Variants in TMEM178B observed in about 807,000 individuals in gnomAD.
TMEM178B encodes transmembrane protein 178B.
In TMEM178B, 5 loss-of-function variants were observed where a neutral mutation model predicts 31.0. The observed-to-expected ratio is 0.16, with a 90% confidence interval of 0.08 to 0.34. The LOEUF (loss-of-function observed/expected upper bound fraction) is 0.34, where lower values mean the gene tolerates loss of function less well. Ranked by LOEUF, TMEM178B falls within the 10% of genes least tolerant of loss-of-function variation. The pLI, the probability that TMEM178B is intolerant of heterozygous loss-of-function variation, is 1.00. For synonymous variants in TMEM178B, 164 were observed against 164.0 expected, an observed-to-expected ratio of 1.00 and a Z score of 0.00; for missense variants, 275 against 400.3, an observed-to-expected ratio of 0.69 and a Z score of 2.67.
At chr7:141,225,206 C>T (rs571407765) in intron 2 of TMEM178B, among the ~76,000 whole-genome samples, 4 of 152,248 alleles carry the variant, frequency 2.6e-5, no homozygotes, top group African/African-American at 9.6e-5. Context: ...CGCCAGGGAG[C>T]CCCACACATA....
intron 3 of TMEM178B, among the ~76,000 whole-genome samples, chr7:141,457,190 T>C (rs1348884395): frequency 6.6e-6 from 1 of 152,178 alleles, no homozygotes; most frequent in Non-Finnish European, 1.5e-5. Flanking sequence ...GCAAGTGGAA[T>C]GGATGGTTCT....
chr7:141,256,116 A>G (rs1332766083), intron 2 of TMEM178B, among the ~76,000 whole-genome samples: 1 of 152,048 alleles, frequency 6.6e-6, no homozygotes, highest in African/African-American at 2.4e-5. Flanking sequence ...TTATTCATTC[A>G]GTGAATATTT....
chr7:141,094,702 A>G (rs191779328), intron 1 of TMEM178B, among the ~76,000 whole-genome samples: 20 of 152,332 alleles, frequency 1.3e-4, no homozygotes, highest in Non-Finnish European at 2.5e-4. Context: ...CCTTTAGCCA[A>G]TGGTTTCTGC....
At chr7:141,403,040 C>T (rs1035867334) in intron 2 of TMEM178B, among the ~76,000 whole-genome samples, 2 of 152,230 alleles carry the variant, frequency 1.3e-5, no homozygotes, top group African/African-American at 4.8e-5. Context: ...GTATAAATTT[C>T]ATTTGCCCTG....
intron 2 of TMEM178B, among the ~76,000 whole-genome samples, chr7:141,248,775 A>G (rs933615836): frequency 9.9e-5 from 15 of 152,202 alleles, no homozygotes; most frequent in Admixed American, 6.5e-5. Context: ...GTGAAGGCCT[A>G]TGACATTTGT....
At chr7:141,193,003 A>G (rs912956478) in intron 1 of TMEM178B, among the ~76,000 whole-genome samples, 3 of 152,226 alleles carry the variant, frequency 2.0e-5, no homozygotes, top group African/African-American at 4.8e-5. Context: ...AATTTCTCCA[A>G]TGTTAGCTGC....
chr7:141,389,852 C>A (rs1007182834), intron 2 of TMEM178B, among the ~76,000 whole-genome samples: 2 of 152,274 alleles, frequency 1.3e-5, no homozygotes, highest in African/African-American at 4.8e-5. Flanking sequence ...CCCGGTCTTT[C>A]AGAGGGGTGA....
At chr7:141,357,025 C>T (rs1799831826) in intron 2 of TMEM178B, among the ~76,000 whole-genome samples, 1 of 152,230 alleles carries the variant, frequency 6.6e-6, no homozygotes, top group Non-Finnish European at 1.5e-5. Context: ...AAAAGAGAAA[C>T]TGATTCAGAA....
intron 2 of TMEM178B, among the ~76,000 whole-genome samples, chr7:141,424,286 A>G (rs760597774): frequency 6.6e-6 from 1 of 152,178 alleles, no homozygotes; most frequent in Non-Finnish European, 1.5e-5. Flanking sequence ...TTAGAGCCCC[A>G]TTCCTCCTTC....
chr7:141,162,876 G>A (rs957222531), intron 1 of TMEM178B, among the ~76,000 whole-genome samples: 19 of 152,218 alleles, frequency 1.2e-4, no homozygotes, highest in Non-Finnish European at 2.4e-4. Context: ...AAGCGTGCAT[G>A]TGGATCCCTC....
chr7:141,220,146 C>T (rs1295873939), intron 2 of TMEM178B, among the ~76,000 whole-genome samples: 3 of 151,860 alleles, frequency 2.0e-5, no homozygotes, highest in African/African-American at 2.4e-5. Flanking sequence ...TAGTGAAACT[C>T]GTCTTTACTA....
chr7:141,244,709 A>T (rs902188828), intron 2 of TMEM178B, among the ~76,000 whole-genome samples: 1 of 152,100 alleles, frequency 6.6e-6, no homozygotes, highest in African/African-American at 2.4e-5. Context: ...GAGTGAGAAT[A>T]CAGATTCGAG....
chr7:141,105,104 G>A (rs1170111651), intron 1 of TMEM178B, among the ~76,000 whole-genome samples: 2 of 152,264 alleles, frequency 1.3e-5, no homozygotes, highest in African/African-American at 4.8e-5. Flanking sequence ...TGTGAGGTGG[G>A]AGAGGAAAGA....
intron 1 of TMEM178B, among the ~76,000 whole-genome samples, chr7:141,125,282 C>T (rs1795472659): frequency 6.6e-6 from 1 of 152,158 alleles, no homozygotes; most frequent in Admixed American, 6.5e-5. Context: ...TACATCACCT[C>T]AGGAGGAAGA....
intron 3 of TMEM178B, among the ~76,000 whole-genome samples, chr7:141,443,499 T>C (rs1252468037): frequency 6.6e-6 from 1 of 152,226 alleles, no homozygotes; most frequent in Non-Finnish European, 1.5e-5. Context: ...TGCTCTTCTA[T>C]TGAAACTTGT....
chr7:141,167,284 G>A (rs1053243851), intron 1 of TMEM178B, among the ~76,000 whole-genome samples: 9 of 152,210 alleles, frequency 5.9e-5, no homozygotes, highest in African/African-American at 2.2e-4. Flanking sequence ...CTTCGCCCAT[G>A]CGTCTGTTAC....
intron 2 of TMEM178B, among the ~76,000 whole-genome samples, chr7:141,372,034 T>C (rs1800126350): frequency 6.6e-6 from 1 of 152,152 alleles, no homozygotes; most frequent in Non-Finnish European, 1.5e-5. Context: ...CCCCACATCC[T>C]TTCTCCTTTT....
chr7:141,503,701 G>A, the TMEM178B span, among the ~76,000 whole-genome samples: 1 of 152,132 alleles, frequency 6.6e-6, no homozygotes, highest in Non-Finnish European at 1.5e-5. Context: ...ACCAACTATA[G>A]GGAATAAAAT....
chr7:141,248,030 C>A (rs1331810357), intron 2 of TMEM178B, among the ~76,000 whole-genome samples: 2 of 120,750 alleles, frequency 1.7e-5, no homozygotes, highest in African/African-American at 3.0e-5. Flanking sequence ...CCAGTCTTCC[C>A]CTTTCTCTTT....
Sources: gnomAD v4.1 joint callset for allele counts (sites outside exome capture counted in the v4.1 genomes callset) on GRCh38, gnomAD v4.1.1 for gene constraint, MANE v1.5 for transcripts, NCBI Gene and HGNC (gene_info 2026-07-23, HGNC 2026-07-21) for gene names.